The following ADPGK variants were observed in gnomAD, a reference collection of about 807,000 sequenced individuals.
The protein encoded by ADPGK is ADP-dependent glucokinase.
In ADPGK, 26 loss-of-function variants were observed where a neutral mutation model predicts 42.4. The ratio of observed to expected loss-of-function variants is 0.61; its 90% confidence interval spans 0.45 to 0.85. The LOEUF is 0.85. ADPGK is among the 40% of genes least tolerant of loss of function. The pLI is 0.00. For synonymous variants in ADPGK, 267 were observed against 252.6 expected (o/e 1.06, Z -0.54); for missense variants, 571 against 627.0 (o/e 0.91, Z 0.95).
chr15:72,783,196 A>G, intron 1 of ADPGK: 3 of 1,215,282 alleles, frequency 2.5e-6, no homozygotes, highest in Non-Finnish European at 3.1e-6. Flanking sequence ...GCTCGGAGAA[A>G]GGTGTCAGAC....
chr15:72,771,320 G>C (rs552486145), intron 3 of ADPGK, among the ~76,000 whole-genome samples: 1 of 152,072 alleles, frequency 6.6e-6, no homozygotes, highest in Non-Finnish European at 1.5e-5. Flanking sequence ...TCACCAACAC[G>C]GCCAACCGTT....
chr15:72,759,839 G>A (rs2151074965), intron 4 of ADPGK, among the ~76,000 whole-genome samples: 1 of 152,324 alleles, frequency 6.6e-6, no homozygotes, highest in Non-Finnish European at 1.5e-5. Context: ...CTGCTGGGAA[G>A]AGGGGATGGG....
In ADPGK at chr15:72,752,543, T is replaced by C; in HGVS notation, c.1292A>G (p.Gln431Arg). The change falls in exon 7 of 7, where the codon CAA becomes CGA. Residue 431 changes from glutamine (Q) to arginine (R), a missense_variant. By Grantham distance (43) the Gln-to-Arg change is conservative. Transcript: ENST00000456471. ...DTSRVSLRAP[Q>R]EFMTSHSEAG... The stretch of plus-strand genomic sequence containing the variant: ...CTCCGAATGGGAAGTCATGAACTCT[T>C]GGGGTGCCCTCAGAGACACTCGGCT... The C allele has an allele frequency of 6.2e-7, 1 of 1,614,226 alleles. No individual in the cohort carries two copies. The highest frequency in any genetic ancestry group is 1.1e-5 in the South Asian group (1 of 91,080).
At chr15:72,781,078 A>C (rs1200112125) in intron 1 of ADPGK, among the ~76,000 whole-genome samples, 1 of 152,154 alleles carries the variant, frequency 6.6e-6, no homozygotes, top group African/African-American at 2.4e-5. Flanking sequence ...GAGAAGTCAA[A>C]CTACAACCTC....
Position 72,755,572 on chromosome 15 carries a change from C to T in ADPGK, c.923G>A (p.Ser308Asn). 1 of 1,613,734 alleles carries T rather than the reference C, an allele frequency of 6.2e-7. No individual in the cohort carries two copies. The highest frequency in any genetic ancestry group is 1.3e-5 in the African/African-American group (1 of 75,034). Reference protein sequence around the residue: ...LASMTNRELMSSIVHQQVFPA... With the variant: ...LASMTNRELMNSIVHQQVFPA... Reference sequence around the variant, plus strand: ...TGAGGTTACCTGATGGACAATGCTGCTCATGAGCTCCCTGTTAGTCATACT... The same window carrying T: ...TGAGGTTACCTGATGGACAATGCTGTTCATGAGCTCCCTGTTAGTCATACT... The change falls in exon 6 of 7, where the codon AGC (serine) becomes AAC (asparagine). Residue 308 changes from serine to asparagine, a missense_variant. Around this residue, in one of 2 missense-constraint regions of ADPGK, gnomAD observed 434 missense variants for 522.7 expected, o/e 0.83. Coordinates refer to ENST00000456471, the MANE Select transcript of ADPGK (RefSeq NM_001365225.1).
At chr15:72,753,587 C>T (rs1187613460) in intron 6 of ADPGK, among the ~76,000 whole-genome samples, 1 of 152,138 alleles carries the variant, frequency 6.6e-6, no homozygotes, top group Non-Finnish European at 1.5e-5. Flanking sequence ...GAGAGGAGTC[C>T]TTGTATGTAT....
intron 2 of ADPGK, among the ~76,000 whole-genome samples, chr15:72,772,348 C>T (rs1209430772): frequency 6.6e-6 from 1 of 152,252 alleles, no homozygotes; most frequent in Non-Finnish European, 1.5e-5. Context: ...CTCTCCAAGT[C>T]AGCCTTCCCC....
chr15:72,752,860 AT>A lies in ADPGK; in HGVS notation c.974del (p.Asn325MetfsTer39), dbSNP rs775287545. Reference protein sequence around the residue: ...VFPAVTSLGLNEQELLFLTQS... With the variant: ...VFPAVTSLGLXEQELLFLTQS... ...GGGTGAGAAATAACAGCTCCTGTTC[AT>A]TCAGCCCAAGGGAAGTCACCGCGGG... On this transcript the variant is annotated frameshift_variant, in exon 7 of 7. Coordinates refer to ENST00000456471, the MANE Select transcript of ADPGK (RefSeq NM_001365225.1). LOFTEE classifies it high-confidence loss of function. The A allele has an allele frequency of 6.2e-7, 1 of 1,614,122 alleles. No individual in the cohort carries two copies. The highest frequency in any genetic ancestry group is 1.1e-5 in the South Asian group (1 of 91,088).
chr15:72,783,120 G>GT (rs2066487854), intron 1 of ADPGK: 1 of 776,174 alleles, frequency 1.3e-6, no homozygotes, highest in Admixed American at 5.4e-5. Context: ...GTAAGGTCAA[G>GT]TATCTTTGAT....
At chr15:72,768,267 T>C (rs901668700) in intron 3 of ADPGK, among the ~76,000 whole-genome samples, 8 of 152,082 alleles carry the variant, frequency 5.3e-5, no homozygotes, top group Non-Finnish European at 1.2e-4. Context: ...AATCAGTTAT[T>C]TAAAATCTTC....
intron 3 of ADPGK, among the ~76,000 whole-genome samples, chr15:72,761,419 C>G (rs1293622105): frequency 1.3e-5 from 2 of 152,192 alleles, no homozygotes; most frequent in African/African-American, 4.8e-5. Context: ...AATAGGACAG[C>G]CTTTCCAATA....
chr15:72,779,260 T>TC (rs2066427485), intron 1 of ADPGK, among the ~76,000 whole-genome samples: 2 of 149,820 alleles, frequency 1.3e-5, no homozygotes, highest in South Asian at 4.3e-4. Flanking sequence ...TTTTTTTTTT[T>TC]TTTTTGAGAT....
rs115271032 is a variant in ADPGK at position 72,753,999 on chromosome 15, G to A, written c.940-1104C>T. Among the ~76,000 whole-genome samples, 111 of 151,688 alleles carry A rather than the reference G, an allele frequency of 7.3e-4. 1 individual carries two copies. The highest frequency in any genetic ancestry group is 2.6e-3 in the African/African-American group (107 of 41,274). ...AGGCTGCTGGTAGTTGGGGAGGCTTGTGTGTGAGGGGACTGGAAGTATATG... is the reference window on the plus strand; with the variant it reads ...AGGCTGCTGGTAGTTGGGGAGGCTTATGTGTGAGGGGACTGGAAGTATATG... On this transcript the variant is annotated intron_variant, in intron 6 of 6. Transcript: ENST00000456471.
chr15:72,752,278 C>G lies in ADPGK; in HGVS notation c.*63G>C. ...CTTTGGCTGTCTTCCAAACCACTTT[C>G]TTCCTGTAATTCTTAAGTTGGCTAG... On this transcript the variant is annotated 3_prime_UTR_variant, in exon 7 of 7. Coordinates refer to ENST00000456471, the MANE Select transcript of ADPGK (RefSeq NM_001365225.1). 1.3e-6 allele frequency: 2 copies of G among 1,489,714 alleles called. No homozygotes were observed. The highest frequency in any genetic ancestry group is 1.8e-6 in the Non-Finnish European group (2 of 1,108,654). 92.3% of individuals were successfully genotyped at this position (1,489,714 alleles called of 1,614,324 possible).
In ADPGK at chr15:72,752,102, A is replaced by T; in HGVS notation, c.*239T>A. The T allele has an allele frequency of 2.0e-6, 1 of 492,358 alleles. No individual in the cohort carries two copies. Among genetic ancestry groups the T allele is most frequent in the Non-Finnish European group, 3.6e-6 (1 of 277,718 alleles). The allele number at this position is 492,358 out of a possible 1,614,324, so 30.5% of individuals were successfully genotyped here. A position where few individuals can be genotyped will look rare whatever the true frequency, so the allele number is the denominator to read the frequency against. On this transcript the variant is annotated 3_prime_UTR_variant, in exon 7 of 7. Coordinates refer to ENST00000456471, the MANE Select transcript of ADPGK (RefSeq NM_001365225.1). ...CCTGATGGCGCTGCATAAACTGGGGATTTGGGAACTGAGTTTTTAGCTCTG... is the reference window on the plus strand; with the variant it reads ...CCTGATGGCGCTGCATAAACTGGGGTTTTGGGAACTGAGTTTTTAGCTCTG...
Position 72,783,648 on chromosome 15 carries a change from A to G in ADPGK, c.44T>C (p.Leu15Pro). 6.6e-7 allele frequency: 1 copy of G among 1,509,360 alleles called. No individual in the cohort carries two copies. Among genetic ancestry groups the G allele is most frequent in the Admixed American group, 2.1e-5 (1 of 48,194 alleles). The allele number at this position is 1,509,360 out of a possible 1,614,324, so 93.5% of individuals were successfully genotyped here. A position where few individuals can be genotyped will look rare whatever the true frequency, so the allele number is the denominator to read the frequency against. The change falls in exon 1 of 7, where the codon CTG becomes CCG. Residue 15 changes from leucine (L) to proline (P), a missense_variant. Around this residue, in one of 2 missense-constraint regions of ADPGK, gnomAD observed 137 missense variants for 104.2 expected, o/e 1.31. Coordinates refer to ENST00000456471, the MANE Select transcript of ADPGK (RefSeq NM_001365225.1). The part of the protein sequence containing the change: ...RGSAYAGFLA[L>P]AVGCVFLLEP... ...CAGCAGGAAGACGCAGCCCACGGCC[A>G]GCGCCAGGAAGCCCGCGTACGCGGA...
chr15:72,783,142 A>C, intron 1 of ADPGK: 2 of 988,218 alleles, frequency 2.0e-6, no homozygotes, highest in Non-Finnish European at 2.5e-6. Flanking sequence ...GCAAAACAAC[A>C]GTCGCCAGAA....
At chr15:72,773,584 A>C (rs761506559) in intron 2 of ADPGK, among the ~76,000 whole-genome samples, 2 of 152,246 alleles carry the variant, frequency 1.3e-5, no homozygotes, top group Non-Finnish European at 2.9e-5. Flanking sequence ...AAGCTAGATC[A>C]AGTTGCTGTA....
At chr15:72,775,374 G>A (rs947284623) in intron 1 of ADPGK, among the ~76,000 whole-genome samples, 6 of 152,176 alleles carry the variant, frequency 3.9e-5, no homozygotes, top group Non-Finnish European at 5.9e-5. Context: ...TCAGAACAAA[G>A]CTACTGTAAC....
Sources: gnomAD v4.1 joint callset for allele counts (sites outside exome capture counted in the v4.1 genomes callset) on GRCh38, gnomAD v4.1.1 for gene constraint, gnomAD v4.1.1 regional missense constraint, MANE v1.5 for transcripts, NCBI Gene and HGNC (gene_info 2026-07-23, HGNC 2026-07-21) for gene names.